The following ALG1 variants were observed in gnomAD, a reference collection of about 807,000 sequenced individuals.
ALG1 encodes chitobiosyldiphosphodolichol beta-mannosyltransferase.
Under a neutral mutation model 55.1 loss-of-function variants are expected in ALG1, and 58 were observed. The ratio of observed to expected loss-of-function variants is 1.05; its 90% CI spans 0.85 to 1.31. The LOEUF is 1.31. Ranked by LOEUF, ALG1 falls within the 50% of genes most tolerant of loss-of-function variation. The pLI is 0.00. For missense variants in ALG1, 761 were observed against 598.6 expected, an observed-to-expected ratio of 1.27 and a Z score of -2.83; for synonymous variants, 309 against 247.0, an observed-to-expected ratio of 1.25 and a Z score of -2.35.
rs1403463140 is a variant in ALG1, at chr16:5,076,670, A to C, written c.540-775A>C. ...AGGGCTCAGTCTCCGTTAGGAGAGA[A>C]TGTGTACAATGCTCACTGAATCCCT... On this transcript the variant is annotated intron_variant, in intron 4 of 12. Transcript: ENST00000262374. 2.0e-5 allele frequency among the ~76,000 whole-genome samples: 3 copies of C among 152,202 alleles called. No homozygotes were observed. The East Asian group carries it at 5.8e-4, about 29-fold the overall frequency.
intron 11 of ALG1, among the ~76,000 whole-genome samples, chr16:5,083,010 G>C (rs1257934619): frequency 6.6e-6 from 1 of 152,226 alleles, no homozygotes; most frequent in Non-Finnish European, 1.5e-5. Context: ...TCCTAGGGTA[G>C]AATTGGTGGG....
rs768813273 is a variant in ALG1 at position 5,072,003 on chromosome 16, C to T, written c.154C>T (p.His52Tyr). 4 of 1,597,908 alleles carry T rather than the reference C, an allele frequency of 2.5e-6. No homozygotes were observed. The highest frequency in any genetic ancestry group is 1.1e-5 in the South Asian group (1 of 88,898). The change falls in exon 1 of 13, where the codon CAC (histidine) becomes TAC (tyrosine). Residue 52 changes from histidine (H) to tyrosine (Y), a missense_variant. Transcript: ENST00000262374. ...DVGRSPRMQYHALSLAMHGFS... is the reference protein window; with the variant it reads ...DVGRSPRMQYYALSLAMHGFS... ...GGGCCGCAGCCCCCGTATGCAGTAC[C>T]ACGCGCTGTCGTTGGCCATGCACGG...
In ALG1 at chr16:5,081,040, C is replaced by A; in HGVS notation, c.1056C>A (p.Asp352Glu). ...GCACCCCCTGGCTGGAGGCCGAGGA[C>A]TACCCCCTGCTTCTAGGTGAGAGGC... Reference protein sequence around the residue: ...QVCTPWLEAEDYPLLLGSADL... With the variant: ...QVCTPWLEAEEYPLLLGSADL... Residue 352 changes from aspartate to glutamate, a missense_variant, in exon 10 of 13, where the codon GAC becomes GAA. By Grantham distance (45) the Asp-to-Glu change is conservative. Transcript: ENST00000262374. The A allele has an allele frequency of 6.3e-7, 1 of 1,595,524 alleles. No individual in the cohort carries two copies. Among genetic ancestry groups the A allele is most frequent in the Non-Finnish European group, 8.5e-7 (1 of 1,179,260 alleles).
At chr16:5,081,918 G>C (rs1291480858) in intron 10 of ALG1, among the ~76,000 whole-genome samples, 4 of 152,042 alleles carry the variant, frequency 2.6e-5, no homozygotes, top group Admixed American at 1.3e-4. Context: ...GTGACAGCTG[G>C]TTTGTGGTGG....
chr16:5,083,130 C>A (rs1028951145), intron 11 of ALG1, among the ~76,000 whole-genome samples: 3 of 152,122 alleles, frequency 2.0e-5, no homozygotes, highest in African/African-American at 7.2e-5. Context: ...CATGCTGTGG[C>A]CTCACTGCAC....
At chr16:5,076,552 T>C (rs1956917771) in intron 4 of ALG1, among the ~76,000 whole-genome samples, 1 of 152,208 alleles carries the variant, frequency 6.6e-6, no homozygotes, top group Non-Finnish European at 1.5e-5. Flanking sequence ...TTCCGAGCTT[T>C]CTCTGCATCT....
chr16:5,079,424 T>G (rs945021969), intron 8 of ALG1, among the ~76,000 whole-genome samples: 1 of 152,196 alleles, frequency 6.6e-6, no homozygotes, highest in African/African-American at 2.4e-5. Flanking sequence ...GCATGGTGGC[T>G]CAAACCTGTA....
chr16:5,076,067 C>A (rs1033610605), intron 4 of ALG1, among the ~76,000 whole-genome samples: 3 of 152,210 alleles, frequency 2.0e-5, no homozygotes, highest in African/African-American at 7.2e-5. Context: ...AGAAGTGGGC[C>A]ACAGTTGCTG....
At chr16:5,082,762 G>A in intron 11 of ALG1, 89 bp downstream of exon 11, 1 of 1,505,688 alleles carries the variant, frequency 6.6e-7, no homozygotes, top group Non-Finnish European at 9.1e-7. Flanking sequence ...CCCACAGTGA[G>A]GCCCTGCCCC....
chr16:5,080,643 A>G (rs1182020889), intron 9 of ALG1, among the ~76,000 whole-genome samples: 3 of 152,192 alleles, frequency 2.0e-5, no homozygotes, highest in African/African-American at 7.2e-5. Context: ...ACACAGACAA[A>G]AGGCTGGGTC....
At chr16:5,083,156 G>A (rs746220824) in intron 11 of ALG1, among the ~76,000 whole-genome samples, 15 of 152,152 alleles carry the variant, frequency 9.9e-5, no homozygotes, top group Non-Finnish European at 1.9e-4. Context: ...GTAGACGGGT[G>A]TTTGGAAGGG....
Position 5,072,979 on chromosome 16 carries a change from G to T in ALG1, c.237G>T (p.Gln79His). 1.2e-6 allele frequency: 2 copies of T among 1,614,220 alleles called. No homozygotes were observed. The highest frequency in any genetic ancestry group is 2.2e-5 in the East Asian group (1 of 44,890). Residue 79 changes from glutamine to histidine, a missense_variant, in exon 2 of 13, where the codon CAG becomes CAT. Gln to His is a conservative substitution (Grantham distance 24). Transcript: ENST00000262374. ...CNSKPHDELL[Q>H]NNRIQIVGLT... ...CCAAACCCCATGATGAGCTCTTGCA[G>T]AACAACAGAATTCAGATTGTGGGGT...
intron 10 of ALG1, 50 bp downstream of exon 10, chr16:5,081,106 G>GGGGGGGCAA: frequency 7.1e-7 from 1 of 1,407,860 alleles, no homozygotes; most frequent in African/African-American, 1.4e-5. Context: ...AACAGGGTGG[G>GGGGGGGCAA]CGGGATGTAC....
intron 3 of ALG1, among the ~76,000 whole-genome samples, chr16:5,074,346 C>T (rs952549857): frequency 6.6e-5 from 10 of 151,888 alleles, no homozygotes; most frequent in Non-Finnish European, 1.5e-4. Context: ...GATGGGGTTT[C>T]GCTATGCTGG....
At chr16:5,077,624 C>G (rs1956937538) in intron 5 of ALG1, 90 bp downstream of exon 5, 1 of 1,350,592 alleles carries the variant, frequency 7.4e-7, no homozygotes, top group African/African-American at 1.4e-5. Flanking sequence ...TGCCGTCCTG[C>G]TGAGGGGCAA....
At chr16:5,073,461 G>A in intron 3 of ALG1, 1 of 614,812 alleles carries the variant, frequency 1.6e-6, no homozygotes, top group Non-Finnish European at 2.9e-6. Context: ...ACATTGTACT[G>A]ACTGTGTATC....
In ALG1 at chr16:5,073,191, C is replaced by T. The variant is rs2142701969; in HGVS notation, c.325C>T (p.Leu109Phe). The T allele has an allele frequency of 1.2e-6, 2 of 1,614,200 alleles. No individual in the cohort carries two copies. Among genetic ancestry groups the T allele is most frequent in the East Asian group, 2.2e-5 (1 of 44,890 alleles). Reference sequence around the variant, plus strand: ...TTTCCAGTACGGAGTCAAAGTTGTACTTCAGGCTATGTACTTGCTGTGGAA... The same window carrying T: ...TTTCCAGTACGGAGTCAAAGTTGTATTTCAGGCTATGTACTTGCTGTGGAA... ...RVFQYGVKVV[L>F]QAMYLLWKLM... The change falls in exon 3 of 13, where the codon CTT becomes TTT. Residue 109 changes from leucine to phenylalanine, a missense_variant. Leu to Phe is a conservative substitution (Grantham distance 22, BLOSUM62 0). Coordinates refer to ENST00000262374, the MANE Select transcript of ALG1 (RefSeq NM_019109.5).
chr16:5,082,428 C>T (rs1314434359), intron 10 of ALG1, 131 bp from the exon 11 acceptor site: 2 of 969,318 alleles, frequency 2.1e-6, no homozygotes, highest in Non-Finnish European at 3.2e-6. Flanking sequence ...GCTTAAGCCA[C>T]TTGTGTTTGG....
intron 1 of ALG1, among the ~76,000 whole-genome samples, chr16:5,072,615 G>A: frequency 6.6e-6 from 1 of 152,194 alleles, no homozygotes; most frequent in East Asian, 1.9e-4. Context: ...TGCTATCCTA[G>A]GGTGATGGGG....
Sources: gnomAD v4.1 joint callset for allele counts (sites outside exome capture counted in the v4.1 genomes callset) on GRCh38, gnomAD v4.1.1 for gene constraint, MANE v1.5 for transcripts, NCBI Gene and HGNC (gene_info 2026-07-23, HGNC 2026-07-21) for gene names.